UBE2E2: variants seen among roughly 807,000 people sequenced by gnomAD.
The protein encoded by UBE2E2 is ubiquitin conjugating enzyme E2 E2.
In UBE2E2, 6 loss-of-function variants were observed where a neutral mutation model predicts 24.7. The observed-to-expected ratio is 0.24, with a 90% CI of 0.13 to 0.48. The LOEUF (loss-of-function observed/expected upper bound fraction) is 0.48. UBE2E2 is among the 20% of genes least tolerant of loss of function. UBE2E2 has a pLI of 0.99. For missense variants in UBE2E2, 169 were observed against 245.0 expected (o/e 0.69, Z 2.07); for synonymous variants, 104 against 83.6 (o/e 1.24, Z -1.33).
intron 3 of UBE2E2, among the ~76,000 whole-genome samples, chr3:23,331,996 C>T: frequency 6.6e-6 from 1 of 152,042 alleles, no homozygotes; most frequent in East Asian, 1.9e-4. Flanking sequence ...GGCCTTTTTA[C>T]TTCTAAAGTC....
chr3:23,340,530 A>T (rs1025618872), intron 3 of UBE2E2, among the ~76,000 whole-genome samples: 1 of 152,058 alleles, frequency 6.6e-6, no homozygotes, highest in East Asian at 1.9e-4. Flanking sequence ...ACTAAAATAC[A>T]TGTTTTAAAA....
intron 3 of UBE2E2, among the ~76,000 whole-genome samples, chr3:23,450,220 G>C (rs1698532359): frequency 6.6e-6 from 1 of 152,182 alleles, no homozygotes; most frequent in Non-Finnish European, 1.5e-5. Flanking sequence ...AGTGTGATTA[G>C]TGAAACAATC....
chr3:23,578,003 C>G (rs1376788321), intron 5 of UBE2E2, among the ~76,000 whole-genome samples: 1 of 139,054 alleles, frequency 7.2e-6, no homozygotes, highest in Admixed American at 7.0e-5. Context: ...TGAGACCTAC[C>G]TCTCAGAAAA....
At chr3:23,372,523 A>AT (rs370738798) in intron 3 of UBE2E2, among the ~76,000 whole-genome samples, 1 of 152,014 alleles carries the variant, frequency 6.6e-6, no homozygotes. Context: ...TCTGTTTTGA[A>AT]TTTTTTTCTT....
intron 3 of UBE2E2, among the ~76,000 whole-genome samples, chr3:23,422,006 C>A (rs534092798): frequency 6.6e-6 from 1 of 152,124 alleles, no homozygotes; most frequent in Non-Finnish European, 1.5e-5. Context: ...TGGCCAGCAA[C>A]CAGGAAATTA....
intron 3 of UBE2E2, among the ~76,000 whole-genome samples, chr3:23,470,605 T>G (rs955560326): frequency 6.6e-6 from 1 of 152,222 alleles, no homozygotes; most frequent in South Asian, 2.1e-4. Flanking sequence ...TTTGTAAACT[T>G]AGTTTAAATT....
chr3:23,585,873 C>CAAA (rs200129554), intron 5 of UBE2E2, among the ~76,000 whole-genome samples: 1 of 138,044 alleles, frequency 7.2e-6, no homozygotes. Flanking sequence ...ACTGTCTCAA[C>CAAA]AAAAAAAAAA....
intron 3 of UBE2E2, among the ~76,000 whole-genome samples, chr3:23,286,647 C>T (rs1698622130): frequency 6.6e-6 from 1 of 152,048 alleles, no homozygotes; most frequent in South Asian, 2.1e-4. Flanking sequence ...TTTTGTGGTT[C>T]CATACACATT....
intron 3 of UBE2E2, among the ~76,000 whole-genome samples, chr3:23,402,698 A>C (rs1430716557): frequency 2.0e-5 from 3 of 152,216 alleles, no homozygotes; most frequent in Non-Finnish European, 2.9e-5. Context: ...CAATACAATA[A>C]ATACTCTAGT....
chr3:23,230,929 G>T (rs75434749), intron 3 of UBE2E2, among the ~76,000 whole-genome samples: 1 of 152,162 alleles, frequency 6.6e-6, no homozygotes, highest in African/African-American at 2.4e-5. Context: ...TAGAACTAGC[G>T]CTGCTCTGTT....
chr3:23,297,390 T>TGCC (rs1316652295), intron 3 of UBE2E2, among the ~76,000 whole-genome samples: 13 of 152,036 alleles, frequency 8.6e-5, no homozygotes, highest in African/African-American at 3.1e-4. Flanking sequence ...TGCCCATGCC[T>TGCC]ATGTCCTGAA....
intron 4 of UBE2E2, among the ~76,000 whole-genome samples, chr3:23,506,364 G>A (rs575795412): frequency 6.6e-6 from 1 of 152,290 alleles, no homozygotes; most frequent in South Asian, 2.1e-4. Context: ...AGCCAGACCA[G>A]CTCCTCTAGT....
intron 5 of UBE2E2, among the ~76,000 whole-genome samples, chr3:23,534,501 C>A (rs956523643): frequency 1.3e-5 from 2 of 152,116 alleles, no homozygotes; most frequent in Non-Finnish European, 2.9e-5. Flanking sequence ...AGACAGCCTG[C>A]CTCATATGAG....
intron 5 of UBE2E2, among the ~76,000 whole-genome samples, chr3:23,555,929 G>A (rs1165545135): frequency 6.6e-6 from 1 of 152,018 alleles, no homozygotes; most frequent in Non-Finnish European, 1.5e-5. Flanking sequence ...CAAGTAGAAA[G>A]GTCTCGTGTG....
At chr3:23,382,272 A>G (rs971880406) in intron 3 of UBE2E2, among the ~76,000 whole-genome samples, 28 of 138,326 alleles carry the variant, frequency 2.0e-4, no homozygotes, top group African/African-American at 6.8e-4. Context: ...GCCACCACCT[A>G]TCGGGTTCAA....
At chr3:23,336,093 G>A (rs763407076) in intron 3 of UBE2E2, among the ~76,000 whole-genome samples, 23 of 152,100 alleles carry the variant, frequency 1.5e-4, no homozygotes, top group Non-Finnish European at 3.1e-4. Flanking sequence ...ACTAGTAAAA[G>A]TGAAAGAGGA....
At chr3:23,462,248 C>T (rs576510968) in intron 3 of UBE2E2, among the ~76,000 whole-genome samples, 3 of 151,754 alleles carry the variant, frequency 2.0e-5, no homozygotes, top group Non-Finnish European at 2.9e-5. Flanking sequence ...CCTTTGTTGC[C>T]CAGTGTATAG....
In UBE2E2 at chr3:23,280,451, G is replaced by A. The variant is rs1199833340; in HGVS notation, c.227+63139G>A. 2.6e-5 allele frequency among the ~76,000 whole-genome samples: 4 copies of A among 152,322 alleles called. No homozygotes were observed. The East Asian group carries it at 7.7e-4, about 29-fold the overall frequency. ...TAACTGGAAAGTTTTGAGGGATTGT[G>A]AATGGTGCTAGAGGTGGCCACACAA... On this transcript the variant is annotated intron_variant, in intron 3 of 5. Transcript: ENST00000396703. This position sits in a 1 kb window ranked among gnomAD's most constrained non-coding sequence, Gnocchi z 4.3.
intron 3 of UBE2E2, among the ~76,000 whole-genome samples, chr3:23,347,321 A>G (rs959553515): frequency 2.0e-5 from 3 of 152,256 alleles, no homozygotes; most frequent in Non-Finnish European, 4.4e-5. Context: ...CATCAATAAT[A>G]GACTGAATTA....
Sources: gnomAD v4.1 joint callset for allele counts (sites outside exome capture counted in the v4.1 genomes callset) on GRCh38, gnomAD v4.1.1 for gene constraint, Gnocchi (gnomAD v3.1) non-coding constraint, MANE v1.5 for transcripts, NCBI Gene and HGNC (gene_info 2026-07-23, HGNC 2026-07-21) for gene names.